The following ZFHX3 variants were observed in gnomAD, a reference collection of about 807,000 sequenced individuals.
The protein encoded by ZFHX3 is zinc finger homeobox protein 3.
A neutral mutation model predicts 279.1 loss-of-function variants in ZFHX3; 42 were observed. The ratio of observed to expected loss-of-function variants is 0.15; its 90% CI spans 0.12 to 0.19. ZFHX3 has a LOEUF of 0.19. Among genes scored for constraint, ZFHX3 ranks in the 10% least tolerant of loss-of-function variants. The pLI, the probability that ZFHX3 is intolerant of heterozygous loss-of-function variation, is 1.00. For missense variants in ZFHX3, 4,981 were observed against 4,754.0 expected, an observed-to-expected ratio of 1.05 and a Z score of -1.40; for synonymous variants, 2,293 against 1,957.8, an observed-to-expected ratio of 1.17 and a Z score of -4.52.
upstream of ZFHX3, among the ~76,000 whole-genome samples, chr16:73,064,160 G>T (rs139742931): frequency 6.6e-6 from 1 of 152,172 alleles, no homozygotes; most frequent in Non-Finnish European, 1.5e-5. Context: ...GAGAGAAAAG[G>T]GAACTAGATC....
chr16:72,881,570 C>T (rs940931142), intron 4 of ZFHX3, among the ~76,000 whole-genome samples: 1 of 152,168 alleles, frequency 6.6e-6, no homozygotes, highest in African/African-American at 2.4e-5. Context: ...ATGTAAGTAG[C>T]CCTAGAAATG....
At position 73,187,142 on chromosome 16, in the gene ZFHX3, TCTCA is replaced by T. The variant is rs1408850985; in HGVS notation, c.-1103-43315_-1103-43312del. On this transcript the variant is annotated intron_variant, in intron 5 of 17. Coordinates refer to the ZFHX3 transcript ENST00000641206. Reference sequence around the variant, plus strand: ...GGCGGGGGGATGGACAAGTTGTATGTCTCACACACACACACACACACACACACAC... The same window carrying T: ...GGCGGGGGGATGGACAAGTTGTATGTCACACACACACACACACACACACAC... 5.7e-5 allele frequency among the ~76,000 whole-genome samples: 5 copies of T among 87,886 alleles called. No homozygotes were observed. In the East Asian group the frequency reaches 1.8e-3, roughly 31 times the overall value. The allele number at this position is 87,886 out of a possible 152,430, so 57.7% of individuals were successfully genotyped here.
chr16:72,848,992 GA>G (rs1232438102), intron 4 of ZFHX3, among the ~76,000 whole-genome samples: 1 of 152,042 alleles, frequency 6.6e-6, no homozygotes, highest in East Asian at 1.9e-4. Context: ...AGGGGGGAAG[GA>G]AAAAGGCACA....
In ZFHX3 at chr16:73,352,607, G is replaced by C. The variant is rs928114228; in HGVS notation, c.-1290-34271C>G. On this transcript the variant is annotated intron_variant, in intron 3 of 17. Transcript: ENST00000641206. Reference sequence around the variant, plus strand: ...CAATCCTCCCATCCCAGTCTCTCGAGCAGCTGGGACTACAGGCATGTGCCA... The same window carrying C: ...CAATCCTCCCATCCCAGTCTCTCGACCAGCTGGGACTACAGGCATGTGCCA... Among the ~76,000 whole-genome samples, 4 of 150,572 alleles carry C rather than the reference G, an allele frequency of 2.7e-5. No homozygotes were observed. The Admixed American group carries it at 2.7e-4, about 10-fold the overall frequency.
In ZFHX3 at chr16:72,798,388, A is replaced by G. The variant is rs779563301; in HGVS notation, c.4294T>C (p.Cys1432Arg). 2 of 1,614,262 alleles carry G rather than the reference A, an allele frequency of 1.2e-6. No individual in the cohort carries two copies. Among genetic ancestry groups the G allele is most frequent in the Admixed American group, 1.7e-5 (1 of 60,032 alleles). ...GTTCGGAAACTGCGCTGACAAAGAC[A>G]GCACATGGTGGCAGCTCTGATCACA... is the stretch of plus-strand genomic sequence containing the variant. Reference protein sequence around the residue: ...YHVIRAATMCCLCQRSFRTFQ... With the variant: ...YHVIRAATMCRLCQRSFRTFQ... Residue 1432 changes from cysteine (C) to arginine (R), a missense_variant, in exon 9 of 10, where the codon TGT becomes CGT. Cys to Arg is a radical substitution (Grantham distance 180). Coordinates refer to ENST00000268489, the MANE Select transcript of ZFHX3 (RefSeq NM_006885.4).
intron 1 of ZFHX3, among the ~76,000 whole-genome samples, chr16:73,028,676 G>A (rs1293818316): frequency 1.3e-5 from 2 of 152,174 alleles, no homozygotes; most frequent in Admixed American, 6.5e-5. Flanking sequence ...ACCCCCACTG[G>A]TGGCTCTCCA....
chr16:73,155,763 C>T (rs1383723537), intron 5 of ZFHX3, among the ~76,000 whole-genome samples: 1 of 151,842 alleles, frequency 6.6e-6, no homozygotes, highest in African/African-American at 2.4e-5. Context: ...GCGGAGGTCA[C>T]AGTGAGCCGA....
At chr16:73,152,246 T>A (rs948677166) in intron 5 of ZFHX3, among the ~76,000 whole-genome samples, 2 of 152,244 alleles carry the variant, frequency 1.3e-5, no homozygotes, top group African/African-American at 4.8e-5. Context: ...CTGCTTTTCC[T>A]CATCTTCAAT....
intron 5 of ZFHX3, among the ~76,000 whole-genome samples, chr16:73,202,163 G>A (rs559755702): frequency 6.6e-6 from 1 of 152,278 alleles, no homozygotes; most frequent in Admixed American, 6.5e-5. Context: ...TTGTCCCTGG[G>A]TGATGTGTAA....
intron 1 of ZFHX3, among the ~76,000 whole-genome samples, chr16:73,872,790 C>T (rs1250560099): frequency 6.4e-5 from 1 of 15,520 alleles, no homozygotes; most frequent in African/African-American, 3.2e-4. Context: ...CGGTGGGTGG[C>T]GGTGGATGGT....
chr16:73,311,739 T>C (rs2015333213), intron 4 of ZFHX3, among the ~76,000 whole-genome samples: 1 of 152,134 alleles, frequency 6.6e-6, no homozygotes, highest in Non-Finnish European at 1.5e-5. Context: ...TCAAATATAA[T>C]TTTTTTCCAA....
At chr16:73,426,563 A>C (rs1314183385) in intron 3 of ZFHX3, among the ~76,000 whole-genome samples, 2 of 152,080 alleles carry the variant, frequency 1.3e-5, no homozygotes, top group African/African-American at 2.4e-5. Flanking sequence ...TTCAAATTAT[A>C]ATCATAGGGT....
rs146286796 is a variant in ZFHX3, at chr16:73,414,793, G to A, written c.-1291+41210C>T. 1.2e-4 allele frequency among the ~76,000 whole-genome samples: 19 copies of A among 152,270 alleles called. No homozygotes were observed. In the East Asian group the frequency reaches 2.1e-3, roughly 17 times the overall value. On this transcript the variant is annotated intron_variant, in intron 3 of 17. Coordinates refer to the ZFHX3 transcript ENST00000641206. ...TGAGGCTGCAGTGAGCTGTGATTGCGCCACCGCACTTTAGACTGGGTGATA... is the reference window on the plus strand; with the variant it reads ...TGAGGCTGCAGTGAGCTGTGATTGCACCACCGCACTTTAGACTGGGTGATA...
At position 73,092,677 on chromosome 16, in the gene ZFHX3, C is replaced by T. The variant is rs572914981; in HGVS notation, c.-533+558G>A. 12 of 286,010 alleles carry T rather than the reference C, an allele frequency of 4.2e-5. No homozygotes were observed. In the East Asian group the frequency reaches 7.5e-4, roughly 18 times the overall value. The allele number at this position is 286,010 out of a possible 1,614,324, so 17.7% of individuals were successfully genotyped here. ...GGGGCTCCCACTCCCGGGACACACA[C>T]GCGGGCTGGCTTACACATGCTCTTG... On this transcript the variant is annotated intron_variant, in intron 8 of 17. Transcript: ENST00000641206.
intron 3 of ZFHX3, among the ~76,000 whole-genome samples, chr16:72,913,131 C>G (rs1439708329): frequency 6.6e-6 from 1 of 152,200 alleles, no homozygotes; most frequent in Admixed American, 6.5e-5. Flanking sequence ...ACAATGAGTT[C>G]CCATGTGCCC....
At chr16:73,001,287 C>T (rs1025669169) in intron 1 of ZFHX3, among the ~76,000 whole-genome samples, 10 of 152,262 alleles carry the variant, frequency 6.6e-5, no homozygotes, top group Admixed American at 3.3e-4. Flanking sequence ...TATCAACAAC[C>T]GTGTGTGTGA....
chr16:73,680,472 G>C (rs768870139), intron 1 of ZFHX3, among the ~76,000 whole-genome samples: 8 of 152,162 alleles, frequency 5.3e-5, no homozygotes, highest in Non-Finnish European at 1.0e-4. Context: ...AAGAAAGCCT[G>C]TGCTCTCCCC....
chr16:73,043,147 A>G (rs1965175544), intron 1 of ZFHX3, among the ~76,000 whole-genome samples: 1 of 152,186 alleles, frequency 6.6e-6, no homozygotes, highest in African/African-American at 2.4e-5. Flanking sequence ...GAGGCAGCAC[A>G]TGTGTTAATA....
At chr16:73,005,435 C>G (rs1365712582) in intron 1 of ZFHX3, among the ~76,000 whole-genome samples, 2 of 152,134 alleles carry the variant, frequency 1.3e-5, no homozygotes, top group African/African-American at 4.8e-5. Flanking sequence ...ACAAAGGTTA[C>G]AGTGAGCCAA....
Sources: allele counts gnomAD v4.1 joint callset (sites outside exome capture counted in the v4.1 genomes callset), GRCh38; gene constraint gnomAD v4.1.1; transcripts MANE v1.5; gene names NCBI Gene and HGNC (gene_info 2026-07-23, HGNC 2026-07-21).